PDK3: variants seen among roughly 807,000 people sequenced by gnomAD.
PDK3 encodes the protein pyruvate dehydrogenase kinase 3.
A neutral mutation model predicts 32.0 loss-of-function variants in PDK3; 12 were observed. That is an observed-to-expected ratio of 0.37 (90% CI 0.24 to 0.61). The LOEUF is 0.61. PDK3 is among the 20% of genes least tolerant of loss of function. The pLI is 0.65. For synonymous variants in PDK3, 122 were observed against 116.3 expected, an observed-to-expected ratio of 1.05 and a Z score of -0.31; for missense variants, 188 against 316.9, an observed-to-expected ratio of 0.59 and a Z score of 3.09.
At chrX:24,488,460 A>G (rs1921461293) in intron 1 of PDK3, among the ~76,000 whole-genome samples, 1 of 112,303 alleles carries the variant, frequency 8.9e-6, no homozygotes, top group African/African-American at 3.2e-5. Context: ...AAGCTGAGGC[A>G]GGCGGATCAT....
At chrX:24,538,788 A>G (rs968453973), downstream of PDK3, among the ~76,000 whole-genome samples, 1 of 111,296 alleles carries the variant, frequency 9.0e-6, no homozygotes, top group Non-Finnish European at 1.9e-5. Context: ...ATAAATAAAT[A>G]AATAAAAGTA....
At chrX:24,469,200 G>A (rs1005394807) in intron 1 of PDK3, among the ~76,000 whole-genome samples, 1 of 111,917 alleles carries the variant, frequency 8.9e-6, no homozygotes, top group East Asian at 2.8e-4. Context: ...ATTATTATAT[G>A]CATTGTCATT....
At position 24,534,333 on chromosome X, in the gene PDK3, A is replaced by G. The variant is rs1922725528; in HGVS notation, c.*261A>G. ...TCCAATGGAATATTATTTGGCCTTA[A>G]AAAGGAAGGACATTCTGATATGTGC... On this transcript the variant is annotated 3_prime_UTR_variant, in exon 11 of 11. Transcript: ENST00000379162. 4 of 606,858 alleles carry G rather than the reference A, an allele frequency of 6.6e-6. No homozygotes were observed. Among genetic ancestry groups the G allele is most frequent in the Non-Finnish European group, 6.5e-6 (3 of 461,636 alleles). 50.0% of individuals were successfully genotyped at this position (606,858 alleles called of 1,213,427 possible). A position where few individuals can be genotyped will look rare whatever the true frequency, so the allele number is the denominator to read the frequency against.
chrX:24,492,999 A>G (rs1921608323), intron 1 of PDK3, among the ~76,000 whole-genome samples: 1 of 104,821 alleles, frequency 9.5e-6, no homozygotes, highest in South Asian at 4.1e-4. Context: ...CACTCCGTCA[A>G]AAAAAAAAAA....
At chrX:24,549,451 G>A (rs1923058552) in exon 12 of PDK3, 1 of 112,101 alleles carries the variant, frequency 8.9e-6, no homozygotes, top group Non-Finnish European at 1.9e-5. Flanking sequence ...GTAAAGTATG[G>A]AGTGTTTTAA....
Position 24,534,164 on chromosome X carries a change from A to G in PDK3, c.*92A>G, listed in dbSNP as rs1922721426. The stretch of plus-strand genomic sequence containing the variant: ...CCAGGAATTCTTGCAGTGTAGAGGT[A>G]TTCACAACAGCAAGCAGGGATTTGG... On this transcript the variant is annotated 3_prime_UTR_variant, in exon 11 of 11. Coordinates refer to ENST00000379162, the MANE Select transcript of PDK3 (RefSeq NM_005391.5). 37 of 999,252 alleles carry G rather than the reference A, an allele frequency of 3.7e-5. No homozygotes were observed. In the South Asian group the frequency reaches 1.6e-3, roughly 43 times the overall value. The allele number at this position is 999,252 out of a possible 1,213,427, so 82.3% of individuals were successfully genotyped here. A position where few individuals can be genotyped will look rare whatever the true frequency, so the allele number is the denominator to read the frequency against.
chrX:24,466,158 C>G lies in PDK3; in HGVS notation c.106+597C>G, dbSNP rs1261578601. Reference sequence around the variant, plus strand: ...CCTAGCATCAGAGCAGGGTCTAATACAACTCTGGCTTTAGTGCCAGCACCT... The same window carrying G: ...CCTAGCATCAGAGCAGGGTCTAATAGAACTCTGGCTTTAGTGCCAGCACCT... On this transcript the variant is annotated intron_variant, in intron 1 of 10. Coordinates refer to ENST00000379162, the MANE Select transcript of PDK3 (RefSeq NM_005391.5). Among the ~76,000 whole-genome samples, 6 of 110,620 alleles carry G rather than the reference C, an allele frequency of 5.4e-5. No homozygotes were observed. The Admixed American group carries it at 5.8e-4, about 11-fold the overall frequency.
intron 6 of PDK3, among the ~76,000 whole-genome samples, chrX:24,520,141 C>T (rs1208882294): frequency 9.0e-6 from 1 of 111,543 alleles, no homozygotes; most frequent in Admixed American, 9.5e-5. Context: ...TGCAGTGAGC[C>T]GAGATAGTGC....
At chrX:24,512,853 G>A (rs4898251) in intron 5 of PDK3, among the ~76,000 whole-genome samples, 15 of 111,308 alleles carry the variant, frequency 1.3e-4, no homozygotes, top group Non-Finnish European at 2.6e-4. Context: ...TGGCCTTTCC[G>A]CCTTTCTCTG....
At chrX:24,548,477 A>G (rs1923039992) in exon 12 of PDK3, 1 of 112,441 alleles carries the variant, frequency 8.9e-6, no homozygotes, top group Non-Finnish European at 1.9e-5. Flanking sequence ...TAATTTGAAT[A>G]ATCTGGATAA....
At chrX:24,513,854 CAATT>C (rs1569225138) in intron 5 of PDK3, among the ~76,000 whole-genome samples, 1 of 111,490 alleles carries the variant, frequency 9.0e-6, no homozygotes, top group African/African-American at 3.3e-5. Flanking sequence ...AAAATAAAAA[CAATT>C]AAAAACAGCC....
At chrX:24,540,246 G>A (rs1324171934) in exon 12 of PDK3, among the ~76,000 whole-genome samples, 2 of 111,982 alleles carry the variant, frequency 1.8e-5, no homozygotes, top group Non-Finnish European at 3.8e-5. Context: ...TTACCCTTAG[G>A]AATAGAAGTG....
chrX:24,485,530 C>G (rs1386201013), intron 1 of PDK3, among the ~76,000 whole-genome samples: 1 of 110,648 alleles, frequency 9.0e-6, no homozygotes, highest in Admixed American at 9.6e-5. Flanking sequence ...ACGCAGCAGA[C>G]CAGTAGCGGG....
chrX:24,510,640 A>G (rs1922094289), intron 5 of PDK3, among the ~76,000 whole-genome samples: 1 of 111,816 alleles, frequency 8.9e-6, no homozygotes. Context: ...CCCATCACAC[A>G]CACCCTTCCT....
At chrX:24,479,780 G>A (rs1238058039) in intron 1 of PDK3, among the ~76,000 whole-genome samples, 2 of 108,748 alleles carry the variant, frequency 1.8e-5, no homozygotes, top group Admixed American at 9.8e-5. Flanking sequence ...GTGAGACTCC[G>A]TCTCAAAAAA....
chrX:24,472,850 G>A (rs1351242310), intron 1 of PDK3, among the ~76,000 whole-genome samples: 2 of 106,672 alleles, frequency 1.9e-5, no homozygotes, highest in African/African-American at 6.8e-5. Context: ...TACATGCCCA[G>A]CTAATTTTGT....
intron 6 of PDK3, 105 bp downstream of exon 6, chrX:24,519,115 A>G (rs1569225963): frequency 2.0e-6 from 1 of 493,494 alleles, no homozygotes; most frequent in Non-Finnish European, 3.4e-6. Context: ...CTGATTTTTC[A>G]TTTTCTTATA....
Position 24,465,498 on chromosome X carries a change from C to T in PDK3, c.43C>T (p.Gln15Ter). 2.5e-6 allele frequency: 3 copies of T among 1,209,998 alleles called. No individual in the cohort carries two copies. The highest frequency in any genetic ancestry group is 3.4e-6 in the Non-Finnish European group (3 of 893,973). The part of the protein sequence containing the change: ...RWLLKQPVPK[Q>*]IERYSRFSPS... ...GCTGCTGAAGCAGCCGGTGCCCAAG[C>T]AGATCGAGCGCTACTCGCGCTTTTC... Residue 15 changes from glutamine (Q) to a stop codon, truncating the protein, a stop_gained, in exon 1 of 11, where the codon CAG becomes TAG. Transcript: ENST00000379162. LOFTEE classifies it high-confidence loss of function.
At chrX:24,498,403 G>A (rs1035421849) in intron 2 of PDK3, among the ~76,000 whole-genome samples, 7 of 111,574 alleles carry the variant, frequency 6.3e-5, no homozygotes, top group African/African-American at 2.3e-4. Flanking sequence ...CAGAATAGCT[G>A]CAGCAGTTCC....
Sources: allele counts gnomAD v4.1 joint callset (sites outside exome capture counted in the v4.1 genomes callset), GRCh38; gene constraint gnomAD v4.1.1; transcripts MANE v1.5; gene names NCBI Gene and HGNC (gene_info 2026-07-23, HGNC 2026-07-21).